The following INSYN2B variants were observed in gnomAD, a reference collection of about 807,000 sequenced individuals.
The protein encoded by INSYN2B is protein INSYN2B.
In INSYN2B, 16 loss-of-function variants were observed where a neutral mutation model predicts 41.2. The ratio of observed to expected loss-of-function variants is 0.39; its 90% CI spans 0.26 to 0.59. The LOEUF is 0.59. Ranked by LOEUF, INSYN2B falls within the 20% of genes least tolerant of loss-of-function variation. INSYN2B has a pLI of 0.57. For synonymous variants in INSYN2B, 245 were observed against 244.4 expected (o/e 1.00, Z -0.02); for missense variants, 608 against 646.4 (o/e 0.94, Z 0.64).
rs1771316018 is a variant in INSYN2B at position 169,863,239 on chromosome 5, A to G, written c.*1034T>C. Among the ~76,000 whole-genome samples, 1 of 152,220 alleles carries G rather than the reference A, an allele frequency of 6.6e-6. No individual in the cohort carries two copies. Among genetic ancestry groups the G allele is most frequent in the Non-Finnish European group, 1.5e-5 (1 of 68,040 alleles). On this transcript the variant is annotated 3_prime_UTR_variant, in exon 4 of 4. Transcript: ENST00000377365. ...CATCCATAGTCCTGCTAGTTTTTCA[A>G]TCAGGTGACCATTGTCTGGTCACCA...
intron 1 of INSYN2B, among the ~76,000 whole-genome samples, chr5:169,949,517 A>G (rs533663123): frequency 1.9e-4 from 29 of 151,910 alleles, no homozygotes; most frequent in Admixed American, 1.2e-3. Context: ...TGGAGCCTGG[A>G]ACTCCATACT....
intron 1 of INSYN2B, among the ~76,000 whole-genome samples, chr5:169,958,417 C>T (rs1169728977): frequency 6.6e-6 from 1 of 152,020 alleles, no homozygotes; most frequent in Non-Finnish European, 1.5e-5. Context: ...CTCCATCATC[C>T]GAATAACAGG....
At chr5:169,903,076 G>A (rs1581388993) in intron 1 of INSYN2B, among the ~76,000 whole-genome samples, 1 of 151,312 alleles carries the variant, frequency 6.6e-6, no homozygotes, top group African/African-American at 2.4e-5. Context: ...CCAGCCTGGC[G>A]ACAGAGCAAG....
At chr5:169,917,086 T>C (rs765271562) in intron 1 of INSYN2B, among the ~76,000 whole-genome samples, 3 of 151,938 alleles carry the variant, frequency 2.0e-5, no homozygotes, top group Non-Finnish European at 4.4e-5. Flanking sequence ...GTCAGTGGAG[T>C]TGACGTATGA....
intron 3 of INSYN2B, among the ~76,000 whole-genome samples, chr5:169,874,246 C>CT (rs899379136): frequency 2.4e-4 from 37 of 152,054 alleles, no homozygotes; most frequent in Admixed American, 1.4e-3. Flanking sequence ...AACCCCGTCT[C>CT]TACTAATAAT....
chr5:169,914,381 T>C (rs1216953742), intron 1 of INSYN2B, among the ~76,000 whole-genome samples: 1 of 152,170 alleles, frequency 6.6e-6, no homozygotes, highest in Non-Finnish European at 1.5e-5. Flanking sequence ...AATACAATAC[T>C]AAGTGCCTAC....
intron 1 of INSYN2B, among the ~76,000 whole-genome samples, chr5:169,950,325 A>T (rs1176317858): frequency 6.6e-6 from 1 of 152,232 alleles, no homozygotes; most frequent in Non-Finnish European, 1.5e-5. Context: ...TTTAGGATTA[A>T]GAGCATTGAT....
intron 3 of INSYN2B, among the ~76,000 whole-genome samples, chr5:169,866,268 C>A (rs1380542788): frequency 6.6e-6 from 1 of 152,180 alleles, no homozygotes; most frequent in East Asian, 1.9e-4. Flanking sequence ...ATAATCCTGG[C>A]TGGATGACCT....
intron 1 of INSYN2B, among the ~76,000 whole-genome samples, chr5:169,931,313 C>T (rs1561833608): frequency 6.6e-6 from 1 of 152,238 alleles, no homozygotes; most frequent in South Asian, 2.1e-4. Context: ...ACAGGTCTTA[C>T]TTCCAACAGT....
At position 169,861,778 on chromosome 5, in the gene INSYN2B, T is replaced by A. The variant is rs1185602306; in HGVS notation, c.*2495A>T. 6.6e-6 allele frequency among the ~76,000 whole-genome samples: 1 copy of A among 152,212 alleles called. No homozygotes were observed. Among genetic ancestry groups the A allele is most frequent in the Non-Finnish European group, 1.5e-5 (1 of 68,038 alleles). Reference sequence around the variant, plus strand: ...ATGGAATCCTATTTCCTCATAATGATTTTAAATATCAATTTTTCAGAAGAG... The same window carrying A: ...ATGGAATCCTATTTCCTCATAATGAATTTAAATATCAATTTTTCAGAAGAG... On this transcript the variant is annotated 3_prime_UTR_variant, in exon 4 of 4. Transcript: ENST00000377365.
intron 1 of INSYN2B, among the ~76,000 whole-genome samples, chr5:169,888,502 G>A (rs911345945): frequency 6.6e-6 from 1 of 152,176 alleles, no homozygotes; most frequent in Admixed American, 6.5e-5. Flanking sequence ...TGGTCCTCAT[G>A]GAATCAGTGT....
At chr5:169,865,793 G>T (rs1213270255) in intron 3 of INSYN2B, among the ~76,000 whole-genome samples, 1 of 152,212 alleles carries the variant, frequency 6.6e-6, no homozygotes, top group Non-Finnish European at 1.5e-5. Flanking sequence ...CCCCATGTTG[G>T]TTTATGATGT....
At chr5:169,951,777 C>T (rs574699457) in intron 1 of INSYN2B, among the ~76,000 whole-genome samples, 24 of 152,238 alleles carry the variant, frequency 1.6e-4, no homozygotes, top group African/African-American at 5.5e-4. Flanking sequence ...AAGCCTCTTC[C>T]ACACACTATT....
intron 1 of INSYN2B, among the ~76,000 whole-genome samples, chr5:169,967,272 A>C (rs1332728592): frequency 6.6e-6 from 1 of 152,220 alleles, no homozygotes; most frequent in Admixed American, 6.5e-5. Flanking sequence ...GCCTTTCCAG[A>C]TGAAGTGATT....
intron 3 of INSYN2B, among the ~76,000 whole-genome samples, chr5:169,866,921 C>G (rs1205111901): frequency 6.6e-6 from 1 of 152,198 alleles, no homozygotes; most frequent in African/African-American, 2.4e-5. Context: ...ACTATCTACC[C>G]AGAGATAGCA....
At chr5:169,914,040 A>C (rs1448322664) in intron 1 of INSYN2B, among the ~76,000 whole-genome samples, 1 of 152,218 alleles carries the variant, frequency 6.6e-6, no homozygotes, top group African/African-American at 2.4e-5. Flanking sequence ...AAAGATGTTT[A>C]CTAAAGATGC....
chr5:169,898,241 A>C (rs909159995), intron 1 of INSYN2B, among the ~76,000 whole-genome samples: 1 of 152,028 alleles, frequency 6.6e-6, no homozygotes, highest in African/African-American at 2.4e-5. Flanking sequence ...CTGCCCATCA[A>C]CTGGCTGCCA....
intron 1 of INSYN2B, among the ~76,000 whole-genome samples, chr5:169,973,196 C>A (rs1391623628): frequency 4.6e-5 from 7 of 152,160 alleles, no homozygotes; most frequent in African/African-American, 1.7e-4. Context: ...CTGCCTGCCC[C>A]CTCCACTCCC....
intron 1 of INSYN2B, among the ~76,000 whole-genome samples, chr5:169,976,756 A>C (rs4293938): frequency 6.6e-6 from 1 of 152,030 alleles, no homozygotes; most frequent in Non-Finnish European, 1.5e-5. Context: ...GTCTGTGCTT[A>C]AGAGCTGATC....
Sources: gnomAD v4.1 joint callset for allele counts (sites outside exome capture counted in the v4.1 genomes callset) on GRCh38, gnomAD v4.1.1 for gene constraint, MANE v1.5 for transcripts, NCBI Gene and HGNC (gene_info 2026-07-23, HGNC 2026-07-21) for gene names.